NLK: variants seen among roughly 807,000 people sequenced by gnomAD.
The protein encoded by NLK is serine/threonine-protein kinase NLK.
In NLK, 11 loss-of-function variants were observed where a neutral mutation model predicts 59.0. The ratio of observed to expected loss-of-function variants is 0.19; its 90% CI spans 0.12 to 0.31. The LOEUF is 0.31. NLK is among the 10% of genes least tolerant of loss of function. The pLI is 1.00. For missense variants in NLK, 410 were observed against 661.1 expected (o/e 0.62, Z 4.16); for synonymous variants, 235 against 235.9 (o/e 1.00, Z 0.03).
rs1478004259 is a variant in NLK, at chr17:28,102,781, G to A, written c.459-19822G>A. Among the ~76,000 whole-genome samples, 42 of 152,154 alleles carry A rather than the reference G, an allele frequency of 2.8e-4. 1 individual carries two copies. The highest frequency in any genetic ancestry group is 2.7e-3 in the Admixed American group (42 of 15,274). On this transcript the variant is annotated intron_variant, in intron 1 of 10. Coordinates refer to ENST00000407008, the MANE Select transcript of NLK (RefSeq NM_016231.5). ...GACTTAGAAAGCCTAATGAATAAAAGTTCATTTATTATAGAGTCTGGCTTG... is the reference window on the plus strand; with the variant it reads ...GACTTAGAAAGCCTAATGAATAAAAATTCATTTATTATAGAGTCTGGCTTG...
chr17:28,045,753 G>A (rs569856224), intron 1 of NLK, among the ~76,000 whole-genome samples: 67 of 152,214 alleles, frequency 4.4e-4, no homozygotes, highest in African/African-American at 1.4e-3. Context: ...CCAAACTACC[G>A]GGAATTGCAC....
At chr17:28,180,695 T>G (rs534813903) in intron 7 of NLK, among the ~76,000 whole-genome samples, 2 of 152,306 alleles carry the variant, frequency 1.3e-5, no homozygotes, top group East Asian at 3.9e-4. Flanking sequence ...AAGAACTGTT[T>G]ATGGTGAGGC....
intron 7 of NLK, among the ~76,000 whole-genome samples, chr17:28,183,125 G>A (rs1429544804): frequency 6.6e-6 from 1 of 152,214 alleles, no homozygotes; most frequent in East Asian, 1.9e-4. Flanking sequence ...GGAGGCTGAG[G>A]TGGGAGGATC....
intron 2 of NLK, among the ~76,000 whole-genome samples, chr17:28,127,919 A>G (rs1202171541): frequency 6.6e-6 from 1 of 152,210 alleles, no homozygotes; most frequent in East Asian, 1.9e-4. Flanking sequence ...AAGGATAGAC[A>G]GATAGATTAA....
chr17:28,123,381 A>G (rs1906156689), intron 2 of NLK, among the ~76,000 whole-genome samples: 1 of 152,180 alleles, frequency 6.6e-6, no homozygotes, highest in Admixed American at 6.5e-5. Flanking sequence ...GGGCTTGGAA[A>G]CCTGAGACAA....
chr17:28,092,603 T>A (rs1281267187), intron 1 of NLK, among the ~76,000 whole-genome samples: 1 of 152,140 alleles, frequency 6.6e-6, no homozygotes, highest in Non-Finnish European at 1.5e-5. Flanking sequence ...TGTGTAACTG[T>A]TTGTTTTCTA....
intron 1 of NLK, among the ~76,000 whole-genome samples, chr17:28,107,653 T>C (rs1404818459): frequency 6.6e-6 from 1 of 152,144 alleles, no homozygotes; most frequent in Non-Finnish European, 1.5e-5. Flanking sequence ...AAAAATAATA[T>C]TCACCATGAC....
intron 2 of NLK, among the ~76,000 whole-genome samples, chr17:28,130,021 ATAACT>A (rs1226889942): frequency 6.6e-6 from 1 of 152,228 alleles, no homozygotes; most frequent in African/African-American, 2.4e-5. Flanking sequence ...ATTTAAAGAC[ATAACT>A]TTAATTCATT....
intron 5 of NLK, among the ~76,000 whole-genome samples, chr17:28,166,157 G>T (rs1391377881): frequency 6.6e-6 from 1 of 152,248 alleles, no homozygotes; most frequent in Non-Finnish European, 1.5e-5. Flanking sequence ...AGACGTTGCA[G>T]TGAGCCGACA....
intron 1 of NLK, among the ~76,000 whole-genome samples, chr17:28,105,135 T>C (rs953410560): frequency 1.3e-5 from 2 of 152,254 alleles, no homozygotes; most frequent in African/African-American, 2.4e-5. Context: ...TGACTGTCTC[T>C]GATTACTACC....
intron 3 of NLK, among the ~76,000 whole-genome samples, chr17:28,147,297 AAT>A (rs1468217602): frequency 6.6e-6 from 1 of 152,170 alleles, no homozygotes; most frequent in Non-Finnish European, 1.5e-5. Flanking sequence ...AAAAGTACTC[AAT>A]CATCTTATTT....
intron 1 of NLK, among the ~76,000 whole-genome samples, chr17:28,099,489 G>A (rs1904824526): frequency 6.7e-6 from 1 of 149,566 alleles, no homozygotes; most frequent in Non-Finnish European, 1.5e-5. Context: ...CTATAGTTTT[G>A]TCTTGACAAA....
At chr17:28,084,057 A>G (rs1352532498) in intron 1 of NLK, among the ~76,000 whole-genome samples, 2 of 152,232 alleles carry the variant, frequency 1.3e-5, no homozygotes, top group Non-Finnish European at 2.9e-5. Flanking sequence ...CCAGTATTCA[A>G]GAAGACTAAG....
intron 3 of NLK, among the ~76,000 whole-genome samples, chr17:28,153,535 T>C (rs896340854): frequency 2.0e-5 from 3 of 152,206 alleles, no homozygotes; most frequent in African/African-American, 7.2e-5. Flanking sequence ...CCTCATGACC[T>C]AATCACCTCC....
chr17:28,126,934 T>G (rs1352694013), intron 2 of NLK, among the ~76,000 whole-genome samples: 1 of 152,072 alleles, frequency 6.6e-6, no homozygotes, highest in Non-Finnish European at 1.5e-5. Context: ...ATGATTTAGG[T>G]TTTTTGGATC....
intron 1 of NLK, among the ~76,000 whole-genome samples, chr17:28,071,295 T>C (rs955258385): frequency 2.3e-4 from 35 of 152,244 alleles, no homozygotes; most frequent in African/African-American, 8.0e-4. Context: ...TGTTTTCATA[T>C]CATTACAGAA....
chr17:28,096,665 A>C (rs1904712109), intron 1 of NLK, among the ~76,000 whole-genome samples: 1 of 152,174 alleles, frequency 6.6e-6, no homozygotes, highest in African/African-American at 2.4e-5. Flanking sequence ...GTGCATATTG[A>C]AGACACTTCT....
At chr17:28,146,794 A>C (rs1291004471) in intron 3 of NLK, among the ~76,000 whole-genome samples, 4 of 152,160 alleles carry the variant, frequency 2.6e-5, no homozygotes, top group Non-Finnish European at 4.4e-5. Context: ...GACAGAGTAC[A>C]AGAACGAGGG....
At chr17:28,083,760 A>C (rs1597670600) in intron 1 of NLK, among the ~76,000 whole-genome samples, 1 of 152,202 alleles carries the variant, frequency 6.6e-6, no homozygotes, top group East Asian at 1.9e-4. Context: ...CTGGCCATTC[A>C]ATAGATGCTG....
Sources: gnomAD v4.1 joint callset for allele counts (sites outside exome capture counted in the v4.1 genomes callset) on GRCh38, gnomAD v4.1.1 for gene constraint, MANE v1.5 for transcripts, NCBI Gene and HGNC (gene_info 2026-07-23, HGNC 2026-07-21) for gene names.